Variants in TMEM170B observed in about 807,000 individuals in gnomAD.
TMEM170B encodes the protein transmembrane protein 170B.
In TMEM170B, 6 loss-of-function variants were observed where a neutral mutation model predicts 13.0. The observed-to-expected ratio is 0.46, with a 90% CI of 0.25 to 0.91. The LOEUF is 0.91. Among genes scored for constraint, TMEM170B ranks in the 40% least tolerant of loss-of-function variants. The pLI, the probability that TMEM170B is intolerant of heterozygous loss-of-function variation, is 0.17. For missense variants in TMEM170B, 138 were observed against 165.2 expected (o/e 0.84, Z 0.90); for synonymous variants, 61 against 64.9 (o/e 0.94, Z 0.29).
Position 11,582,223 on chromosome 6 carries a change from A to C in TMEM170B, c.*6662A>C, listed in dbSNP as rs1328296111. On this transcript the variant is annotated 3_prime_UTR_variant, in exon 3 of 3. Coordinates refer to ENST00000379426, the MANE Select transcript of TMEM170B (RefSeq NM_001100829.3). ...TATAGTTTACCTGACAAGTATTAAA[A>C]GTCTCACTTTCAAATTGTGTTAACT... is the stretch of plus-strand genomic sequence containing the variant. The C allele has an allele frequency of 6.6e-6, 1 of 152,226 alleles. No individual in the cohort carries two copies. The highest frequency in any genetic ancestry group is 1.5e-5 in the Non-Finnish European group (1 of 68,034). The allele number at this position is 152,226 out of a possible 1,614,324, so 9.4% of individuals were successfully genotyped here. A position where few individuals can be genotyped will look rare whatever the true frequency, so the allele number is the denominator to read the frequency against.
chr6:11,558,844 A>G (rs886615861), intron 1 of TMEM170B, among the ~76,000 whole-genome samples: 10 of 152,214 alleles, frequency 6.6e-5, no homozygotes, highest in Non-Finnish European at 1.3e-4. Context: ...TCAAAGTGCC[A>G]ACTCTTGATA....
At chr6:11,563,671 G>A (rs1268234897) in intron 1 of TMEM170B, among the ~76,000 whole-genome samples, 3 of 152,050 alleles carry the variant, frequency 2.0e-5, no homozygotes, top group Non-Finnish European at 4.4e-5. Flanking sequence ...GATTTTAAAG[G>A]TTACAACTTG....
chr6:11,541,373 C>G (rs962922768), intron 1 of TMEM170B, among the ~76,000 whole-genome samples: 2 of 152,204 alleles, frequency 1.3e-5, no homozygotes, highest in Admixed American at 1.3e-4. Context: ...TGCTGCTTCA[C>G]CTTGCACTTT....
chr6:11,561,720 A>G (rs1276360872), intron 1 of TMEM170B, among the ~76,000 whole-genome samples: 1 of 152,122 alleles, frequency 6.6e-6, no homozygotes, highest in Non-Finnish European at 1.5e-5. Flanking sequence ...TTTAAAAGAG[A>G]GAAAGAAATA....
rs12203524 is a variant in TMEM170B at position 11,559,415 on chromosome 6, G to A, written c.98-6251G>A. On this transcript the variant is annotated intron_variant, in intron 1 of 2. Transcript: ENST00000379426. The stretch of plus-strand genomic sequence containing the variant: ...GCCTCATGCTGGTCTTGAACTCCTG[G>A]GCTCAAACAGTCCCCCTGAGTCAGT... 2.9e-3 allele frequency among the ~76,000 whole-genome samples: 435 copies of A among 151,818 alleles called. 2 individuals carry two copies. The highest frequency in any genetic ancestry group is 4.3e-3 in the Admixed American group (66 of 15,266).
chr6:11,571,921 T>C (rs1410626974), intron 2 of TMEM170B, among the ~76,000 whole-genome samples: 1 of 152,122 alleles, frequency 6.6e-6, no homozygotes, highest in Non-Finnish European at 1.5e-5. Context: ...TGGCTAATAA[T>C]ATGTGAAGAG....
intron 2 of TMEM170B, among the ~76,000 whole-genome samples, chr6:11,569,290 C>A (rs1246075858): frequency 6.6e-6 from 1 of 152,038 alleles, no homozygotes; most frequent in Non-Finnish European, 1.5e-5. Context: ...GAGCAGAAAT[C>A]CTTAGTTTCG....
intron 1 of TMEM170B, among the ~76,000 whole-genome samples, chr6:11,557,326 A>C (rs1759603825): frequency 6.6e-6 from 1 of 152,236 alleles, no homozygotes; most frequent in African/African-American, 2.4e-5. Flanking sequence ...TTTAGTAAGC[A>C]TAGATTTTAA....
intron 1 of TMEM170B, among the ~76,000 whole-genome samples, chr6:11,561,298 T>C (rs776199004): frequency 1.5e-4 from 23 of 152,208 alleles, no homozygotes; most frequent in Non-Finnish European, 2.9e-4. Flanking sequence ...TGTTACCCAA[T>C]TGCTAGAAGC....
Position 11,538,337 on chromosome 6 carries a change from C to T in TMEM170B, c.60C>T (p.Ser20=), listed in dbSNP as rs1477644129. ...MINLSVQQVL[S]LWAHGTVLRN... is the part of the protein sequence containing the mutation. ...ACCTGTCGGTGCAGCAGGTCCTGAG[C>T]CTCTGGGCCCACGGGACGGTGCTGA... The change falls in exon 1 of 3, where the codon AGC becomes AGT. Residue 20 remains serine (S), a synonymous_variant. Coordinates refer to ENST00000379426, the MANE Select transcript of TMEM170B (RefSeq NM_001100829.3). The T allele has an allele frequency of 2.7e-6, 4 of 1,509,140 alleles. No homozygotes were observed. The highest frequency in any genetic ancestry group is 1.8e-6 in the Non-Finnish European group (2 of 1,133,380). 93.5% of individuals were successfully genotyped at this position (1,509,140 alleles called of 1,614,324 possible).
rs200980646 is a variant in TMEM170B, at chr6:11,552,763, TTGACTG to T, written c.98-12900_98-12895del. Among the ~76,000 whole-genome samples the T allele has an allele frequency of 7.2e-5, 11 of 152,284 alleles. No homozygotes were observed. In the East Asian group the frequency reaches 2.1e-3, roughly 29 times the overall value. On this transcript the variant is annotated intron_variant, in intron 1 of 2. Coordinates refer to ENST00000379426, the MANE Select transcript of TMEM170B (RefSeq NM_001100829.3). ...TTTTAGCATTAAAATGAGGTAGAAT[TTGACTG>T]TGTCAGAAGGTGAACTATGGGATGC...
intron 1 of TMEM170B, among the ~76,000 whole-genome samples, chr6:11,539,913 T>C (rs1759336752): frequency 6.6e-6 from 1 of 152,226 alleles, no homozygotes; most frequent in African/African-American, 2.4e-5. Flanking sequence ...AAAGCAAATA[T>C]TGCAATAAAG....
intron 1 of TMEM170B, among the ~76,000 whole-genome samples, chr6:11,546,246 T>A (rs781548391): frequency 2.9e-5 from 4 of 136,618 alleles, no homozygotes; most frequent in African/African-American, 5.9e-5. Flanking sequence ...TTTTTAACAA[T>A]TTTTTTTTAA....
At chr6:11,573,250 CATTT>C (rs1220491735) in intron 2 of TMEM170B, among the ~76,000 whole-genome samples, 1 of 152,032 alleles carries the variant, frequency 6.6e-6, no homozygotes, top group Non-Finnish European at 1.5e-5. Flanking sequence ...TTGTTTTTAA[CATTT>C]AGTTATTTAA....
rs1561690403 is a variant in TMEM170B, at chr6:11,575,410, T to C, written c.269-21T>C. On this transcript the variant is annotated intron_variant, in intron 2 of 2. Coordinates refer to ENST00000379426, the MANE Select transcript of TMEM170B (RefSeq NM_001100829.3). This position sits in a 1 kb window ranked among gnomAD's most constrained non-coding sequence, Gnocchi z 4.1. The stretch of plus-strand genomic sequence containing the variant: ...AAAACGAGTGACTGTATCCCTTCAT[T>C]TTTCTCCCGTTTCTCCTTAGGTGCA... The C allele has an allele frequency of 1.2e-6, 2 of 1,612,946 alleles. No homozygotes were observed.
chr6:11,575,334 T>C lies in TMEM170B; in HGVS notation c.269-97T>C, dbSNP rs1725807455. 9.6e-6 allele frequency: 14 copies of C among 1,454,126 alleles called. No homozygotes were observed. Among genetic ancestry groups the C allele is most frequent in the South Asian group, 1.3e-5 (1 of 75,666 alleles). 90.1% of individuals were successfully genotyped at this position (1,454,126 alleles called of 1,614,324 possible). A position where few individuals can be genotyped will look rare whatever the true frequency, so the allele number is the denominator to read the frequency against. On this transcript the variant is annotated intron_variant, in intron 2 of 2. Transcript: ENST00000379426. This position sits in a 1 kb window ranked among gnomAD's most constrained non-coding sequence, Gnocchi z 4.1. ...AAAATGAGAAAAAAATGATGACTTA[T>C]GTTTTGATGAAATGAAAAGAGCTCT...
Position 11,574,410 on chromosome 6 carries a change from G to A in TMEM170B, c.269-1021G>A, listed in dbSNP as rs570105715. 3.9e-5 allele frequency among the ~76,000 whole-genome samples: 6 copies of A among 152,072 alleles called. No individual in the cohort carries two copies. The South Asian group carries it at 1.2e-3, about 32-fold the overall frequency. The stretch of plus-strand genomic sequence containing the variant: ...GTGAAGTACAAATAATTAATCTTTA[G>A]CTAATTTTTTTCTAAGTTGACAAGT... On this transcript the variant is annotated intron_variant, in intron 2 of 2. Coordinates refer to ENST00000379426, the MANE Select transcript of TMEM170B (RefSeq NM_001100829.3).
intron 1 of TMEM170B, among the ~76,000 whole-genome samples, chr6:11,563,504 A>G (rs959106663): frequency 5.9e-5 from 9 of 152,194 alleles, no homozygotes; most frequent in Admixed American, 4.6e-4. Flanking sequence ...AGTCCCAGAA[A>G]CGACTCCCAT....
At position 11,537,948 on chromosome 6, in the gene TMEM170B, C is replaced by T. The variant is rs566691967; in HGVS notation, c.-330C>T. On this transcript the variant is annotated 5_prime_UTR_variant, in exon 1 of 3. Transcript: ENST00000379426. ...TCCAGTCCCCGCGGCGCGGCGCTGC[C>T]CCTGAGAGGGAGCGGCGGCGGCCTC... Among the ~76,000 whole-genome samples, 2 of 151,714 alleles carry T rather than the reference C, an allele frequency of 1.3e-5. No homozygotes were observed. The highest frequency in any genetic ancestry group is 1.3e-4 in the Admixed American group (2 of 15,262).
Sources: allele counts gnomAD v4.1 joint callset (sites outside exome capture counted in the v4.1 genomes callset), GRCh38; gene constraint gnomAD v4.1.1; non-coding constraint Gnocchi (gnomAD v3.1); transcripts MANE v1.5; gene names NCBI Gene and HGNC (gene_info 2026-07-23, HGNC 2026-07-21).